The following PTN variants were observed in gnomAD, a reference collection of about 807,000 sequenced individuals.
PTN encodes heparin affin regulatory protein.
In PTN, 18 loss-of-function variants were observed where a neutral mutation model predicts 24.1. That is an observed-to-expected ratio of 0.75 (90% CI 0.52 to 1.11). PTN has a LOEUF of 1.11. Ranked by LOEUF, PTN falls within the 50% of genes least tolerant of loss-of-function variation. The probability of loss-of-function intolerance (pLI) is 0.00; values close to 1 mark genes in which losing one functional copy is unlikely to be tolerated. For synonymous variants in PTN, 78 were observed against 68.6 expected (o/e 1.14, Z -0.67); for missense variants, 163 against 198.8 (o/e 0.82, Z 1.08).
chr7:137,239,278 C>G (rs1808577552), intron 4 of PTN, among the ~76,000 whole-genome samples: 1 of 152,158 alleles, frequency 6.6e-6, no homozygotes, highest in Non-Finnish European at 1.5e-5. Context: ...TGAGCTAGAC[C>G]AGGACAATTT....
chr7:137,282,726 A>C (rs968133028), intron 1 of PTN, among the ~76,000 whole-genome samples: 2 of 152,232 alleles, frequency 1.3e-5, no homozygotes, highest in Non-Finnish European at 2.9e-5. Context: ...TGTATTTAAA[A>C]GTCATCTTTA....
At chr7:137,270,318 A>C (rs1265280475) in intron 1 of PTN, among the ~76,000 whole-genome samples, 1 of 152,266 alleles carries the variant, frequency 6.6e-6, no homozygotes, top group African/African-American at 2.4e-5. Context: ...TTCCCTATAA[A>C]GTGAACAAAA....
chr7:137,265,810 C>T (rs986287831), intron 1 of PTN, among the ~76,000 whole-genome samples: 5 of 151,620 alleles, frequency 3.3e-5, no homozygotes, highest in Non-Finnish European at 7.3e-5. Context: ...CAGGCATTTG[C>T]ATCTTGGTAT....
chr7:137,251,146 T>C (rs1385873098), intron 4 of PTN, 84 bp downstream of exon 4: 11 of 1,477,154 alleles, frequency 7.4e-6, no homozygotes, highest in Admixed American at 5.2e-5. Context: ...TCACCTAATA[T>C]TTCCTTCTGG....
chr7:137,236,578 G>A (rs2128868257), intron 4 of PTN, among the ~76,000 whole-genome samples: 1 of 152,144 alleles, frequency 6.6e-6, no homozygotes, highest in Non-Finnish European at 1.5e-5. Context: ...TCTATCTGTA[G>A]ACCACTCTCA....
At chr7:137,238,905 G>C (rs1808571117) in intron 4 of PTN, among the ~76,000 whole-genome samples, 2 of 152,080 alleles carry the variant, frequency 1.3e-5, no homozygotes, top group African/African-American at 4.8e-5. Context: ...GCCTCAATTT[G>C]GAAGTTAGAA....
intron 1 of PTN, among the ~76,000 whole-genome samples, chr7:137,327,979 T>C (rs370833547): frequency 6.6e-6 from 1 of 152,206 alleles, no homozygotes; most frequent in Non-Finnish European, 1.5e-5. Flanking sequence ...TGGGTGTGGG[T>C]ACTTGCAGTA....
At chr7:137,253,693 T>C (rs1585013960) in intron 2 of PTN, 56 bp from the exon 3 acceptor site, 1 of 1,369,884 alleles carries the variant, frequency 7.3e-7, no homozygotes, top group East Asian at 2.6e-5. Context: ...AACTTCCAGA[T>C]ATAACCAAGT....
In PTN at chr7:137,273,663, T is replaced by G. The variant is rs192779367; in HGVS notation, c.-1-18689A>C. Among the ~76,000 whole-genome samples the G allele has an allele frequency of 6.6e-5, 10 of 152,150 alleles. 1 individual carries two copies. Among genetic ancestry groups the G allele is most frequent in the Admixed American group, 5.9e-4 (9 of 15,282 alleles). On this transcript the variant is annotated intron_variant, in intron 1 of 4. Transcript: ENST00000348225. ...TAGAGCACACAGTAACAAGAAACAGTGGATGGACCTCAAAAGAAGACAGTG... is the reference window on the plus strand; with the variant it reads ...TAGAGCACACAGTAACAAGAAACAGGGGATGGACCTCAAAAGAAGACAGTG...
At chr7:137,315,775 G>C (rs1268882680) in intron 1 of PTN, among the ~76,000 whole-genome samples, 4 of 152,190 alleles carry the variant, frequency 2.6e-5, no homozygotes, top group South Asian at 2.1e-4. Flanking sequence ...CTTTGGAGCT[G>C]GGACACTAGA....
chr7:137,287,846 G>A (rs1196415714), intron 1 of PTN: 1 of 151,986 alleles, frequency 6.6e-6, no homozygotes, highest in Non-Finnish European at 1.5e-5. Context: ...AGCCAGGGGG[G>A]GCGCTATTAG....
intron 1 of PTN, among the ~76,000 whole-genome samples, chr7:137,256,175 T>C (rs322321): frequency 0.27 from 41,490 of 152,076 alleles, 6,502 homozygotes; most frequent in African/African-American, 0.43. Flanking sequence ...CTCTTATTAG[T>C]GTTTTTTTAA....
Position 137,227,991 on chromosome 7 carries a change from T to C in PTN, c.*29A>G. On this transcript the variant is annotated 3_prime_UTR_variant, in exon 5 of 5. Coordinates refer to ENST00000348225, the MANE Select transcript of PTN (RefSeq NM_002825.7). The stretch of plus-strand genomic sequence containing the variant: ...AGTTAACTGATCCTGTTTGCTGATG[T>C]CCTTTTTATGTTCCACAGGTGACAT... 1 of 1,602,832 alleles carries C rather than the reference T, an allele frequency of 6.2e-7. No individual in the cohort carries two copies. The highest frequency in any genetic ancestry group is 1.3e-5 in the African/African-American group (1 of 74,222).
At chr7:137,329,046 C>T (rs1810307823) in intron 1 of PTN, among the ~76,000 whole-genome samples, 1 of 152,142 alleles carries the variant, frequency 6.6e-6, no homozygotes, top group African/African-American at 2.4e-5. Context: ...ACTACACCCT[C>T]AGTTCTATTT....
rs143954710 is a variant in PTN at position 137,252,146 on chromosome 7, A to G, written c.290-755T>C. Among the ~76,000 whole-genome samples, 25 of 152,020 alleles carry G rather than the reference A, an allele frequency of 1.6e-4. No individual in the cohort carries two copies. In the East Asian group the frequency reaches 4.6e-3, roughly 28 times the overall value. On this transcript the variant is annotated intron_variant, in intron 3 of 4. Transcript: ENST00000348225. ...GTGGCTGTACCACCTTACAATTTCC[A>G]CTGGCAACATATGAGGGATCTGGTT...
chr7:137,266,211 T>A (rs2128873505), intron 1 of PTN, among the ~76,000 whole-genome samples: 1 of 152,318 alleles, frequency 6.6e-6, no homozygotes, highest in African/African-American at 2.4e-5. Context: ...GATACTTTTT[T>A]AAGTTTAGCT....
intron 1 of PTN, among the ~76,000 whole-genome samples, chr7:137,257,418 G>A (rs576386883): frequency 6.6e-6 from 1 of 152,302 alleles, no homozygotes; most frequent in African/African-American, 2.4e-5. Context: ...AATTGGGTGT[G>A]AATGGTAAAA....
intron 1 of PTN, among the ~76,000 whole-genome samples, chr7:137,340,218 G>A (rs1445397496): frequency 6.6e-6 from 1 of 152,172 alleles, no homozygotes; most frequent in Non-Finnish European, 1.5e-5. Context: ...GATTTGTGGT[G>A]AATGTGATCT....
At chr7:137,293,961 A>G (rs1809680028) in intron 1 of PTN, among the ~76,000 whole-genome samples, 1 of 152,146 alleles carries the variant, frequency 6.6e-6, no homozygotes, top group East Asian at 1.9e-4. Context: ...AAATTGAAGG[A>G]AAAAATGTTT....
Sources: gnomAD v4.1 joint callset for allele counts (sites outside exome capture counted in the v4.1 genomes callset) on GRCh38, gnomAD v4.1.1 for gene constraint, MANE v1.5 for transcripts, NCBI Gene and HGNC (gene_info 2026-07-23, HGNC 2026-07-21) for gene names.